The following PIK3R5 variants were observed in gnomAD, a reference collection of about 807,000 sequenced individuals.
The protein encoded by PIK3R5 is phosphoinositide 3-kinase regulatory subunit 5.
A neutral mutation model predicts 94.9 loss-of-function variants in PIK3R5; 32 were observed. The ratio of observed to expected loss-of-function variants is 0.34; its 90% confidence interval spans 0.25 to 0.45. PIK3R5 has a LOEUF of 0.45. PIK3R5 is among the 20% of genes least tolerant of loss of function. PIK3R5 has a pLI of 1.00. For synonymous variants in PIK3R5, 443 were observed against 479.4 expected (o/e 0.92, Z 0.99); for missense variants, 853 against 1,144.6 (o/e 0.75, Z 3.68).
Position 8,881,742 on chromosome 17 carries a change from C to T in PIK3R5, c.2300-30G>A, listed in dbSNP as rs770712581. 9 of 1,613,188 alleles carry T rather than the reference C, an allele frequency of 5.6e-6. No individual in the cohort carries two copies. The South Asian group carries it at 8.8e-5, about 16-fold the overall frequency. ...GGGGCAAGGACACTCAGGCCAGGCT[C>T]AGAGCACCTCCCTACTGCACACCCC... On this transcript the variant is annotated intron_variant, in intron 16 of 18. Coordinates refer to ENST00000447110, the MANE Select transcript of PIK3R5 (RefSeq NM_001142633.3). The surrounding 1 kb of genome is among the most constrained non-coding windows in gnomAD (Gnocchi z 4.8).
chr17:8,893,968 T>C lies in PIK3R5; in HGVS notation c.413-313A>G. 1 of 224,966 alleles carries C rather than the reference T, an allele frequency of 4.4e-6. No individual in the cohort carries two copies. The highest frequency in any genetic ancestry group is 8.9e-6 in the Non-Finnish European group (1 of 112,718). 13.9% of individuals were successfully genotyped at this position (224,966 alleles called of 1,614,324 possible). On this transcript the variant is annotated intron_variant, in intron 5 of 18. Transcript: ENST00000447110. The surrounding 1 kb of genome is among the most constrained non-coding windows in gnomAD (Gnocchi z 5.1). The stretch of plus-strand genomic sequence containing the variant: ...CTTCCTAAGAGCTTTCCACTCCCCT[T>C]GTGGCTCAGGTCCCGGCTCCAGGCT...
rs1597459380 is a variant in PIK3R5, at chr17:8,880,459, T to C, written c.*180A>G. 1.8e-6 allele frequency: 1 copy of C among 563,356 alleles called. No individual in the cohort carries two copies. The highest frequency in any genetic ancestry group is 3.0e-6 in the Non-Finnish European group (1 of 334,378). The allele number at this position is 563,356 out of a possible 1,614,324, so 34.9% of individuals were successfully genotyped here. A position where few individuals can be genotyped will look rare whatever the true frequency, so the allele number is the denominator to read the frequency against. The stretch of plus-strand genomic sequence containing the variant: ...CCCTTCTCTCTCTGATAGCTGTTGC[T>C]TTCCCAGAACCCTGAGGCCCCAGAA... On this transcript the variant is annotated 3_prime_UTR_variant, in exon 19 of 19. Coordinates refer to ENST00000447110, the MANE Select transcript of PIK3R5 (RefSeq NM_001142633.3).
intron 1 of PIK3R5, among the ~76,000 whole-genome samples, chr17:8,923,679 C>T (rs1045916616): frequency 7.2e-5 from 11 of 152,188 alleles, no homozygotes; most frequent in Admixed American, 3.3e-4. Context: ...GGCACTTACA[C>T]GGGAGACTGT....
chr17:8,881,521 GTGCACACA>G lies in PIK3R5; in HGVS notation c.2382+101_2382+108del. The G allele has an allele frequency of 1.2e-6, 1 of 864,954 alleles. No individual in the cohort carries two copies. The highest frequency in any genetic ancestry group is 2.0e-5 in the Admixed American group (1 of 49,258). 53.6% of individuals were successfully genotyped at this position (864,954 alleles called of 1,614,324 possible). ...CAAGTATGTACACACGGGTGTGTAT[GTGCACACA>G]TGCACACACATACATGTGCACACAC... On this transcript the variant is annotated intron_variant, in intron 17 of 18. Coordinates refer to ENST00000447110, the MANE Select transcript of PIK3R5 (RefSeq NM_001142633.3). The surrounding 1 kb of genome is among the most constrained non-coding windows in gnomAD (Gnocchi z 4.8).
At chr17:8,887,051 G>T in intron 12 of PIK3R5, 45 bp downstream of exon 12, 1 of 1,609,404 alleles carries the variant, frequency 6.2e-7, no homozygotes, top group South Asian at 1.1e-5. Flanking sequence ...GAGGCTGGGT[G>T]ACTGCAGCCA....
At chr17:8,937,610 C>T (rs1021697704) in intron 1 of PIK3R5, among the ~76,000 whole-genome samples, 6 of 152,066 alleles carry the variant, frequency 3.9e-5, no homozygotes, top group Non-Finnish European at 7.4e-5. Flanking sequence ...TAATTCTTTT[C>T]GTGTATCGTT....
intron 1 of PIK3R5, among the ~76,000 whole-genome samples, chr17:8,952,436 A>G (rs1048398382): frequency 1.3e-5 from 2 of 152,210 alleles, no homozygotes; most frequent in African/African-American, 2.4e-5. Flanking sequence ...CTTGATAGAG[A>G]CACCTCATAA....
At chr17:8,907,198 A>ATT (rs112369294) in intron 3 of PIK3R5, among the ~76,000 whole-genome samples, 17 of 140,268 alleles carry the variant, frequency 1.2e-4, no homozygotes, top group African/African-American at 2.6e-4. Context: ...TAATTTTTGT[A>ATT]TTTTTTTTTT....
chr17:8,950,669 T>C (rs2091360649), intron 1 of PIK3R5, among the ~76,000 whole-genome samples: 1 of 152,248 alleles, frequency 6.6e-6, no homozygotes, highest in African/African-American at 2.4e-5. Flanking sequence ...GGTTTATATG[T>C]AGAACATTTT....
rs2090151498 is a variant in PIK3R5, at chr17:8,896,282, C to T, written c.413-2627G>A. Among the ~76,000 whole-genome samples, 1 of 152,076 alleles carries T rather than the reference C, an allele frequency of 6.6e-6. No homozygotes were observed. The highest frequency in any genetic ancestry group is 2.4e-5 in the African/African-American group (1 of 41,394). On this transcript the variant is annotated intron_variant, in intron 5 of 18. Transcript: ENST00000447110. The surrounding 1 kb of genome is among the most constrained non-coding windows in gnomAD (Gnocchi z 4.0). ...GTGTGCAATGTCAGTTTCGAGACCA[C>T]CCTTAACTCCACCCTCCACTCCCCA...
At chr17:8,928,868 C>T (rs1443134101) in intron 1 of PIK3R5, among the ~76,000 whole-genome samples, 1 of 152,134 alleles carries the variant, frequency 6.6e-6, no homozygotes, top group Non-Finnish European at 1.5e-5. Flanking sequence ...TTTCCTTCTC[C>T]TCTTGAGTTT....
chr17:8,947,859 C>G (rs1179346204), intron 1 of PIK3R5, among the ~76,000 whole-genome samples: 1 of 151,768 alleles, frequency 6.6e-6, no homozygotes, highest in Non-Finnish European at 1.5e-5. Flanking sequence ...CTGGCTAACA[C>G]GGTGAAATCC....
intron 1 of PIK3R5, among the ~76,000 whole-genome samples, chr17:8,931,482 C>T (rs966093078): frequency 6.6e-6 from 1 of 152,146 alleles, no homozygotes; most frequent in Admixed American, 6.5e-5. Context: ...CAAGGGGAGC[C>T]TCTTGATTTC....
chr17:8,931,789 C>T (rs2090991663), intron 1 of PIK3R5, among the ~76,000 whole-genome samples: 2 of 152,164 alleles, frequency 1.3e-5, no homozygotes, highest in African/African-American at 4.8e-5. Flanking sequence ...TGCTGGGAGA[C>T]ATTGGATTTC....
chr17:8,960,323 G>A (rs952555054), intron 1 of PIK3R5, among the ~76,000 whole-genome samples: 2 of 152,236 alleles, frequency 1.3e-5, no homozygotes, highest in African/African-American at 2.4e-5. Context: ...GACTTCTTCA[G>A]AGAAACCTTT....
chr17:8,963,828 A>C (rs2091610086), intron 1 of PIK3R5, among the ~76,000 whole-genome samples: 1 of 152,130 alleles, frequency 6.6e-6, no homozygotes, highest in Admixed American at 6.5e-5. Context: ...GGAGGTTCTT[A>C]AAACCCTAAT....
chr17:8,921,087 C>T (rs891683781), intron 1 of PIK3R5, among the ~76,000 whole-genome samples: 1 of 152,004 alleles, frequency 6.6e-6, no homozygotes, highest in Admixed American at 6.6e-5. Context: ...GTGATCCACC[C>T]GCCTCAGCCT....
chr17:8,881,655 G>A lies in PIK3R5; in HGVS notation c.2357C>T (p.Ser786Phe), dbSNP rs143039569. Residue 786 changes from serine (S) to phenylalanine (F), a missense_variant, in exon 17 of 19, where the codon TCC becomes TTC. Physicochemically the swap from Ser to Phe is radical, Grantham distance 155 (BLOSUM62 -2). Transcript: ENST00000447110. This position sits in a 1 kb window ranked among gnomAD's most constrained non-coding sequence, Gnocchi z 4.8. ...NLTEVVKRQN[S>F]KSKKGFNQIS... The stretch of plus-strand genomic sequence containing the variant: ...CTGGTTAAAGCCCTTCTTGGATTTG[G>A]AGTTCTGCCTTTTCACCACTTCTGT... The A allele has an allele frequency of 2.5e-6, 4 of 1,613,452 alleles. No homozygotes were observed. In the African/African-American group the frequency reaches 5.3e-5, roughly 22 times the overall value.
At chr17:8,910,203 G>T (rs185125529) in intron 2 of PIK3R5, among the ~76,000 whole-genome samples, 1 of 152,310 alleles carries the variant, frequency 6.6e-6, no homozygotes, top group African/African-American at 2.4e-5. Context: ...GATTGAACTT[G>T]AACTTCGTGG....
Sources: allele counts gnomAD v4.1 joint callset (sites outside exome capture counted in the v4.1 genomes callset), GRCh38; gene constraint gnomAD v4.1.1; non-coding constraint Gnocchi (gnomAD v3.1); transcripts MANE v1.5; gene names NCBI Gene and HGNC (gene_info 2026-07-23, HGNC 2026-07-21).